The following WDR37 variants were observed in gnomAD, a reference collection of about 807,000 sequenced individuals.
WDR37 encodes WD repeat-containing protein 37.
WDR37 carries 19 observed loss-of-function variants against 62.9 expected under a neutral mutation model. The observed-to-expected ratio is 0.30, with a 90% CI of 0.21 to 0.44. WDR37 has a LOEUF of 0.44. WDR37 is among the 20% of genes least tolerant of loss of function. The pLI, the probability that WDR37 is intolerant of heterozygous loss-of-function variation, is 1.00. For synonymous variants in WDR37, 250 were observed against 260.9 expected (o/e 0.96, Z 0.40); for missense variants, 474 against 657.6 (o/e 0.72, Z 3.05).
At chr10:1,080,257 G>A in intron 4 of WDR37, 151 bp downstream of exon 4, 1 of 1,275,508 alleles carries the variant, frequency 7.8e-7, no homozygotes, top group Non-Finnish European at 1.1e-6. Context: ...AAGGAGCTCG[G>A]TTCTTGTTCC....
At position 1,084,546 on chromosome 10, in the gene WDR37, G is replaced by A. The variant is rs560022964; in HGVS notation, c.532+8G>A. 10 of 1,612,572 alleles carry A rather than the reference G, an allele frequency of 6.2e-6. No individual in the cohort carries two copies. The highest frequency in any genetic ancestry group is 2.2e-5 in the South Asian group (2 of 91,040). On this transcript the variant is annotated splice_region_variant and intron_variant, in intron 6 of 13. Coordinates refer to ENST00000263150, the MANE Select transcript of WDR37 (RefSeq NM_014023.4). ...TCGGGACTGCATCAGCCGGTGAGTC[G>A]CACACGGACCTGGCCAGCCTGCGGA...
At chr10:1,095,235 C>T (rs965989872) in intron 8 of WDR37, among the ~76,000 whole-genome samples, 4 of 138,670 alleles carry the variant, frequency 2.9e-5, no homozygotes, top group Non-Finnish European at 6.1e-5. Context: ...GACTTGGAAA[C>T]GTGAGGTAAT....
intron 5 of WDR37, 29 bp from the exon 6 acceptor site, chr10:1,084,374 T>C: frequency 1.3e-6 from 2 of 1,596,662 alleles, no homozygotes; most frequent in Non-Finnish European, 1.7e-6. Context: ...CAGTAAATTG[T>C]TTCACAAGAC....
chr10:1,089,070 A>G (rs969161335), intron 7 of WDR37, among the ~76,000 whole-genome samples: 1 of 151,988 alleles, frequency 6.6e-6, no homozygotes, highest in African/African-American at 2.4e-5. Context: ...CCCTTGTTCT[A>G]AGGGAGTTGT....
At chr10:1,108,485 T>G (rs904554762) in intron 11 of WDR37, among the ~76,000 whole-genome samples, 1 of 152,214 alleles carries the variant, frequency 6.6e-6, no homozygotes, top group Non-Finnish European at 1.5e-5. Flanking sequence ...CAGGTCTGCC[T>G]GCCAGAGGTG....
At chr10:1,114,645 G>A (rs944827651) in intron 11 of WDR37, among the ~76,000 whole-genome samples, 25 of 152,230 alleles carry the variant, frequency 1.6e-4, no homozygotes, top group Admixed American at 1.4e-3. Flanking sequence ...ACCTCACAGC[G>A]TGTTCTGGAA....
At chr10:1,098,534 G>A (rs1287154387) in intron 9 of WDR37, among the ~76,000 whole-genome samples, 2 of 152,088 alleles carry the variant, frequency 1.3e-5, no homozygotes, top group African/African-American at 2.4e-5. Flanking sequence ...CACCACGTTC[G>A]CCAGACGGTC....
At chr10:1,057,889 A>G (rs1324737981) in intron 1 of WDR37, among the ~76,000 whole-genome samples, 1 of 152,244 alleles carries the variant, frequency 6.6e-6, no homozygotes, top group Non-Finnish European at 1.5e-5. Flanking sequence ...AGTTACGGTC[A>G]TAAAAGTATT....
At chr10:1,108,255 A>T (rs571041993) in intron 11 of WDR37, among the ~76,000 whole-genome samples, 1 of 152,326 alleles carries the variant, frequency 6.6e-6, no homozygotes, top group Admixed American at 6.5e-5. Flanking sequence ...GGATTCTCTC[A>T]TCACATTTAG....
In WDR37 at chr10:1,088,245, T is replaced by C. The variant is rs78052000; in HGVS notation, c.604+1888T>C. On this transcript the variant is annotated intron_variant, in intron 7 of 13. Transcript: ENST00000263150. ...GTCATTTGTGTGTTCACTGGAATAG[T>C]GCTCTTACTTTCCTTCGAGAACTTT... Among the ~76,000 whole-genome samples the C allele has an allele frequency of 8.7e-3, 1,327 of 152,362 alleles. 23 individuals carry two copies. The highest frequency in any genetic ancestry group is 0.03 in the African/African-American group (1,246 of 41,584).
intron 1 of WDR37, among the ~76,000 whole-genome samples, chr10:1,069,649 G>A (rs1404408167): frequency 6.6e-6 from 1 of 151,792 alleles, no homozygotes; most frequent in Non-Finnish European, 1.5e-5. Context: ...GAGGGATGGT[G>A]CCAGGGAGTT....
chr10:1,119,746 TC>T (rs1835515707), intron 11 of WDR37, among the ~76,000 whole-genome samples: 1 of 152,268 alleles, frequency 6.6e-6, no homozygotes, highest in Non-Finnish European at 1.5e-5. Context: ...CTCCTCCTCT[TC>T]TGCACACTGT....
At chr10:1,126,054 G>A (rs1380006253) in intron 13 of WDR37, among the ~76,000 whole-genome samples, 7 of 152,158 alleles carry the variant, frequency 4.6e-5, no homozygotes, top group South Asian at 2.1e-4. Flanking sequence ...TGTGGGTGGC[G>A]TTTGCTGTTG....
At chr10:1,061,855 T>A (rs1006903787) in intron 1 of WDR37, among the ~76,000 whole-genome samples, 1 of 150,940 alleles carries the variant, frequency 6.6e-6, no homozygotes, top group African/African-American at 2.5e-5. Flanking sequence ...AAAAAAAAAT[T>A]ACCTTCAGGC....
At chr10:1,110,119 A>C (rs1835163892) in intron 11 of WDR37, among the ~76,000 whole-genome samples, 1 of 152,320 alleles carries the variant, frequency 6.6e-6, no homozygotes. Flanking sequence ...GTACATCCAA[A>C]AATACGTTTT....
At chr10:1,100,305 G>A (rs1834749512) in intron 9 of WDR37, among the ~76,000 whole-genome samples, 1 of 138,840 alleles carries the variant, frequency 7.2e-6, no homozygotes, top group African/African-American at 2.5e-5. Flanking sequence ...ACACAGTTGT[G>A]TTGGGCCCTC....
rs758389395 is a variant in WDR37, at chr10:1,124,214, A to G, written c.1104-4A>G. The G allele has an allele frequency of 6.2e-7, 1 of 1,614,164 alleles. No individual in the cohort carries two copies. Among genetic ancestry groups the G allele is most frequent in the South Asian group, 1.1e-5 (1 of 91,084 alleles). On this transcript the variant is annotated splice_polypyrimidine_tract_variant and splice_region_variant and intron_variant, in intron 11 of 13. Transcript: ENST00000263150. ...GCATCTGACTCTGTGCCCTTTGTTC[A>G]TAGCACTGTGACTTCTGCCGTGTTC...
chr10:1,124,400 G>C (rs1314952360), intron 12 of WDR37, 48 bp downstream of exon 12: 1 of 1,609,046 alleles, frequency 6.2e-7, no homozygotes, highest in Admixed American at 1.7e-5. Context: ...TGATGTGAAA[G>C]GATTGATTGT....
chr10:1,096,000 G>C (rs1834562130), intron 8 of WDR37, among the ~76,000 whole-genome samples, 170 bp from the exon 9 acceptor site: 1 of 152,104 alleles, frequency 6.6e-6, no homozygotes, highest in South Asian at 2.1e-4. Flanking sequence ...ATTTTCAATA[G>C]CATTATGCAG....
Sources: gnomAD v4.1 joint callset for allele counts (sites outside exome capture counted in the v4.1 genomes callset) on GRCh38, gnomAD v4.1.1 for gene constraint, MANE v1.5 for transcripts, NCBI Gene and HGNC (gene_info 2026-07-23, HGNC 2026-07-21) for gene names.